The following ABCC6 variants were observed in gnomAD, a reference collection of about 807,000 sequenced individuals.
ABCC6 encodes ATP-binding cassette sub-family C member 6.
In ABCC6, 126 loss-of-function variants were observed where a neutral mutation model predicts 169.5. That is an observed-to-expected ratio of 0.74 (90% CI 0.64 to 0.86). The LOEUF (loss-of-function observed/expected upper bound fraction) is 0.86, where lower values mean the gene tolerates loss of function less well. Ranked by LOEUF, ABCC6 falls within the 40% of genes least tolerant of loss-of-function variation. The pLI, the probability that ABCC6 is intolerant of heterozygous loss-of-function variation, is 0.00. For missense variants in ABCC6, 1,733 were observed against 1,927.2 expected (o/e 0.90, Z 1.89); for synonymous variants, 752 against 814.7 (o/e 0.92, Z 1.31).
intron 29 of ABCC6, among the ~76,000 whole-genome samples, chr16:16,153,944 A>C (rs1249452472): frequency 1.3e-5 from 2 of 151,624 alleles, no homozygotes; most frequent in Non-Finnish European, 2.9e-5. Flanking sequence ...GAGATAGTAA[A>C]TTTTATGTGT....
At chr16:16,185,254 C>G (rs934077140) in intron 14 of ABCC6, among the ~76,000 whole-genome samples, 2 of 152,206 alleles carry the variant, frequency 1.3e-5, no homozygotes, top group Non-Finnish European at 2.9e-5. Context: ...CAGGGGGAGG[C>G]AAACTGTGGC....
chr16:16,189,937 C>T (rs2152269635), intron 12 of ABCC6, among the ~76,000 whole-genome samples: 1 of 152,248 alleles, frequency 6.6e-6, no homozygotes, highest in East Asian at 1.9e-4. Flanking sequence ...CTGGAACTCT[C>T]TCTGAGAGTT....
intron 27 of ABCC6, among the ~76,000 whole-genome samples, chr16:16,156,942 C>A (rs1359445540): frequency 3.4e-3 from 343 of 101,064 alleles, no homozygotes; most frequent in African/African-American, 5.7e-3. Flanking sequence ...GACTCTGTCT[C>A]AAAAAAAAAA....
At position 16,173,367 on chromosome 16, in the gene ABCC6, A is replaced by C. The variant is rs573589057; in HGVS notation, c.2704T>G (p.Ser902Ala). The stretch of plus-strand genomic sequence containing the variant: ...AGAGGAACCTCTGTCTGGGCTTCTG[A>C]AGTGGTACGGTCCTTCTCAGGGACT... Reference protein sequence around the residue: ...KSVPEKDRTTSEAQTEVPLDD... With the variant: ...KSVPEKDRTTAEAQTEVPLDD... The change falls in exon 21 of 31, where the codon TCA (serine) becomes GCA (alanine). Residue 902 changes from serine to alanine, a missense_variant. Coordinates refer to ENST00000205557, the MANE Select transcript of ABCC6 (RefSeq NM_001171.6). 6.2e-7 allele frequency: 1 copy of C among 1,614,000 alleles called. No homozygotes were observed. Among genetic ancestry groups the C allele is most frequent in the South Asian group, 1.1e-5 (1 of 91,078 alleles).
intron 27 of ABCC6, chr16:16,155,890 T>C (rs1025925018): frequency 6.6e-6 from 1 of 151,774 alleles, no homozygotes; most frequent in African/African-American, 2.4e-5. Context: ...TGTAATACAG[T>C]GTGATGAACA....
At chr16:16,157,363 G>A (rs1418518425) in intron 27 of ABCC6, among the ~76,000 whole-genome samples, 1 of 152,148 alleles carries the variant, frequency 6.6e-6, no homozygotes, top group African/African-American at 2.4e-5. Flanking sequence ...ACTGGAAAAT[G>A]TACCTGGAGC....
chr16:16,183,078 A>G, intron 15 of ABCC6, 148 bp from the exon 16 acceptor site: 1 of 1,255,248 alleles, frequency 8.0e-7, no homozygotes, highest in South Asian at 1.3e-5. Context: ...GTCCTTGTCT[A>G]GCTATTTGAG....
intron 1 of ABCC6, 93 bp from the exon 2 acceptor site, chr16:16,221,924 A>G (rs574147061): frequency 1.2e-6 from 2 of 1,602,038 alleles, no homozygotes; most frequent in East Asian, 2.2e-5. Context: ...TGGATCTTTA[A>G]CATTTACACA....
At chr16:16,171,031 C>G (rs558449547) in intron 21 of ABCC6, among the ~76,000 whole-genome samples, 1 of 151,634 alleles carries the variant, frequency 6.6e-6, no homozygotes, top group African/African-American at 2.4e-5. Context: ...GGACCCCTTT[C>G]TCTGGCACCC....
intron 10 of ABCC6, among the ~76,000 whole-genome samples, chr16:16,194,569 T>C (rs2047972666): frequency 6.6e-6 from 1 of 152,240 alleles, no homozygotes; most frequent in South Asian, 2.1e-4. Context: ...TTGCTGTGAC[T>C]TTCTGAGATT....
intron 1 of ABCC6, among the ~76,000 whole-genome samples, chr16:16,222,461 C>T (rs947353763): frequency 3.3e-5 from 5 of 152,096 alleles, no homozygotes; most frequent in African/African-American, 4.8e-5. Flanking sequence ...AACAAAGCTT[C>T]GAATTTCCTG....
chr16:16,171,427 T>G (rs1356354944), intron 21 of ABCC6, among the ~76,000 whole-genome samples: 1 of 152,210 alleles, frequency 6.6e-6, no homozygotes, highest in Non-Finnish European at 1.5e-5. Flanking sequence ...GGACATAGCT[T>G]ACTTATTAGC....
intron 22 of ABCC6, 104 bp from the exon 23 acceptor site, chr16:16,166,037 T>C (rs2046864242): frequency 8.6e-7 from 1 of 1,169,066 alleles, no homozygotes; most frequent in African/African-American, 1.5e-5. Context: ...GGACATCTTA[T>C]GGCTTGGCCA....
intron 9 of ABCC6, among the ~76,000 whole-genome samples, chr16:16,200,763 A>G (rs183159623): frequency 5.9e-4 from 90 of 151,366 alleles, no homozygotes; most frequent in African/African-American, 2.0e-3. Flanking sequence ...CTTACATGGG[A>G]CGGGACCTGC....
chr16:16,188,191 C>G (rs1596673144), intron 13 of ABCC6, among the ~76,000 whole-genome samples: 2 of 149,502 alleles, frequency 1.3e-5, no homozygotes, highest in South Asian at 4.2e-4. Context: ...ACCTGCCTGG[C>G]CAACATGGTG....
intron 1 of ABCC6, among the ~76,000 whole-genome samples, chr16:16,222,335 G>A (rs1273903430): frequency 6.6e-6 from 1 of 152,128 alleles, no homozygotes; most frequent in Non-Finnish European, 1.5e-5. Flanking sequence ...CCCAAACCTC[G>A]TTCGACTGGT....
intron 10 of ABCC6, among the ~76,000 whole-genome samples, chr16:16,195,593 G>A (rs1362302317): frequency 2.6e-5 from 4 of 152,080 alleles, no homozygotes; most frequent in African/African-American, 4.8e-5. Context: ...GATTACAGGC[G>A]TGAGCCACCG....
chr16:16,187,203 C>T lies in ABCC6; in HGVS notation c.1788G>A (p.Val596=). The T allele has an allele frequency of 6.2e-7, 1 of 1,613,512 alleles. No individual in the cohort carries two copies. Among genetic ancestry groups the T allele is most frequent in the Non-Finnish European group, 8.5e-7 (1 of 1,179,726 alleles). Residue 596 remains valine (V), a synonymous_variant, in exon 14 of 31, where the codon GTG becomes GTA. Coordinates refer to ENST00000205557, the MANE Select transcript of ABCC6 (RefSeq NM_001171.6). ...GGAAGGTGACCAGACGGTCAAAGGA[C>T]ACCCGGGCCTAGGAAAACCGAAGCC... is the stretch of plus-strand genomic sequence containing the variant. ...FSIHSLVQAR[V]SFDRLVTFLC...
At chr16:16,151,814 A>G (rs2046391957) in intron 29 of ABCC6, among the ~76,000 whole-genome samples, 1 of 152,164 alleles carries the variant, frequency 6.6e-6, no homozygotes, top group African/African-American at 2.4e-5. Flanking sequence ...TGGTGGGTCC[A>G]TAATTTGAAC....
Sources: allele counts gnomAD v4.1 joint callset (sites outside exome capture counted in the v4.1 genomes callset), GRCh38; gene constraint gnomAD v4.1.1; transcripts MANE v1.5; gene names NCBI Gene and HGNC (gene_info 2026-07-23, HGNC 2026-07-21).